PRKG1: variants seen among roughly 807,000 people sequenced by gnomAD.
PRKG1 encodes the protein cGMP-dependent protein kinase 1.
PRKG1 carries 35 observed loss-of-function variants against 88.1 expected under a neutral mutation model. That is an observed-to-expected ratio of 0.40 (90% CI 0.30 to 0.53). The LOEUF is 0.53. PRKG1 is among the 20% of genes least tolerant of loss of function. The pLI, the probability that PRKG1 is intolerant of heterozygous loss-of-function variation, is 0.59. For synonymous variants in PRKG1, 303 were observed against 292.5 expected, an observed-to-expected ratio of 1.04 and a Z score of -0.37; for missense variants, 540 against 839.8, an observed-to-expected ratio of 0.64 and a Z score of 4.41.
chr10:51,463,548 G>A (rs79525631), intron 2 of PRKG1, among the ~76,000 whole-genome samples: 2,830 of 152,312 alleles, frequency 0.019, 82 homozygotes, highest in African/African-American at 0.063. Context: ...ATGGCCTCAT[G>A]ACTACCTTAA....
chr10:51,639,363 G>T (rs994188041), intron 3 of PRKG1, among the ~76,000 whole-genome samples: 6 of 140,286 alleles, frequency 4.3e-5, no homozygotes, highest in Non-Finnish European at 9.1e-5. Flanking sequence ...GAACCTCGGA[G>T]GCCGAGCTTG....
intron 3 of PRKG1, among the ~76,000 whole-genome samples, chr10:51,625,175 T>C (rs1488328940): frequency 1.3e-5 from 2 of 152,112 alleles, no homozygotes; most frequent in African/African-American, 4.8e-5. Flanking sequence ...CATATGTGTG[T>C]ACAATTATAA....
rs12260107 is a variant in PRKG1 at position 52,178,933 on chromosome 10, T to G, written c.1076+16970T>G. On this transcript the variant is annotated intron_variant, in intron 9 of 17. Coordinates refer to ENST00000373980, the MANE Select transcript of PRKG1 (RefSeq NM_006258.4). ...TAGCCAGCATATGGTTGGGTGTTGT[T>G]TTTTTTTTTCTCTTTAATCCATTTA... 5.5e-3 allele frequency among the ~76,000 whole-genome samples: 828 copies of G among 150,640 alleles called. 11 individuals are homozygous for G. The highest frequency in any genetic ancestry group is 0.019 in the African/African-American group (798 of 41,194).
chr10:51,687,704 C>A (rs1310994355), intron 3 of PRKG1, among the ~76,000 whole-genome samples: 1 of 152,136 alleles, frequency 6.6e-6, no homozygotes, highest in African/African-American at 2.4e-5. Flanking sequence ...CAGAGAGTCA[C>A]AGCTTGGCTG....
intron 2 of PRKG1, among the ~76,000 whole-genome samples, chr10:51,354,399 G>C (rs1232994903): frequency 6.6e-6 from 1 of 152,032 alleles, no homozygotes; most frequent in Non-Finnish European, 1.5e-5. Flanking sequence ...TTGCATGTCT[G>C]TATCAAAAAA....
At position 51,522,897 on chromosome 10, in the gene PRKG1, T is replaced by TTAAAA. The variant is rs201605280; in HGVS notation, c.592+55061_592+55062insTAAAA. On this transcript the variant is annotated intron_variant, in intron 3 of 17. Transcript: ENST00000373980. ...TAAGGTGTGAAGGCTTTTAGATTATTACTGTATTTATTAAAAACCAAGGGA... is the reference window on the plus strand; with the variant it reads ...TAAGGTGTGAAGGCTTTTAGATTATTTAAAAACTGTATTTATTAAAAACCAAGGGA... 5.3e-3 allele frequency among the ~76,000 whole-genome samples: 812 copies of TTAAAA among 152,240 alleles called. 7 individuals are homozygous for TTAAAA. Among genetic ancestry groups the TTAAAA allele is most frequent in the African/African-American group, 0.018 (765 of 41,568 alleles).
chr10:51,468,525 A>T (rs1053697808), intron 3 of PRKG1, among the ~76,000 whole-genome samples: 8 of 151,766 alleles, frequency 5.3e-5, no homozygotes, highest in South Asian at 2.1e-4. Context: ...GATTTTTTTA[A>T]AAAAAATCTG....
chr10:51,672,695 A>T (rs1840613893), intron 3 of PRKG1, among the ~76,000 whole-genome samples: 1 of 152,340 alleles, frequency 6.6e-6, no homozygotes, highest in Non-Finnish European at 1.5e-5. Flanking sequence ...AAGAGAAAAT[A>T]CATGTTTACA....
chr10:52,274,957 G>A (rs7085534), intron 12 of PRKG1, among the ~76,000 whole-genome samples: 11,456 of 152,052 alleles, frequency 0.075, 557 homozygotes, highest in South Asian at 0.19. Context: ...TTTTTCATAC[G>A]TTTATTGGCC....
chr10:51,988,896 T>C (rs530090898), intron 5 of PRKG1, among the ~76,000 whole-genome samples: 1 of 152,264 alleles, frequency 6.6e-6, no homozygotes, highest in South Asian at 2.1e-4. Flanking sequence ...TTAATTTAAA[T>C]ATAAATCTTT....
At chr10:52,195,742 A>G (rs1464892836) in intron 9 of PRKG1, among the ~76,000 whole-genome samples, 1 of 152,158 alleles carries the variant, frequency 6.6e-6, no homozygotes, top group African/African-American at 2.4e-5. Context: ...CCGAATGACA[A>G]TCAGTTTTTA....
chr10:52,266,525 C>T (rs1206965953), intron 10 of PRKG1, among the ~76,000 whole-genome samples: 1 of 152,022 alleles, frequency 6.6e-6, no homozygotes, highest in African/African-American at 2.4e-5. Context: ...CCAGCTCCAT[C>T]CATGTCCCTG....
chr10:52,230,572 G>T (rs1417968205), intron 9 of PRKG1, among the ~76,000 whole-genome samples: 2 of 152,184 alleles, frequency 1.3e-5, no homozygotes. Context: ...TTTGTCTGAA[G>T]AAGACTGGCT....
intron 2 of PRKG1, among the ~76,000 whole-genome samples, chr10:51,167,083 T>C (rs150027197): frequency 2.0e-5 from 3 of 152,290 alleles, no homozygotes; most frequent in African/African-American, 7.2e-5. Context: ...AGAGCTCACA[T>C]TCTGGTGATG....
At chr10:51,367,737 G>A (rs530739563) in intron 2 of PRKG1, among the ~76,000 whole-genome samples, 11 of 151,992 alleles carry the variant, frequency 7.2e-5, no homozygotes, top group Non-Finnish European at 1.2e-4. Flanking sequence ...GCTCTTCTGT[G>A]ACCTAATATA....
intron 1 of PRKG1, among the ~76,000 whole-genome samples, chr10:51,040,594 A>C (rs1165821058): frequency 1.3e-5 from 2 of 152,030 alleles, no homozygotes; most frequent in East Asian, 3.9e-4. Flanking sequence ...CTAGGACTAC[A>C]GTTGTGAGCC....
chr10:51,573,042 T>A (rs943993160), intron 3 of PRKG1, among the ~76,000 whole-genome samples: 4 of 151,812 alleles, frequency 2.6e-5, no homozygotes, highest in African/African-American at 9.7e-5. Flanking sequence ...ATTTCCCTAC[T>A]CCACAGAAAC....
Position 51,330,161 on chromosome 10 carries a change from T to A in PRKG1, c.479-137562T>A, listed in dbSNP as rs868724325. Among the ~76,000 whole-genome samples, 154 of 148,424 alleles carry A rather than the reference T, an allele frequency of 1.0e-3. 1 individual carries two copies. The highest frequency in any genetic ancestry group is 3.5e-3 in the Middle Eastern group (1 of 286). ...TATTTATTTATTTTTTATTTATTTT[T>A]TTTTTTTGAGATGGAGTCTCACTCT... On this transcript the variant is annotated intron_variant, in intron 2 of 17. Transcript: ENST00000373980.
intron 2 of PRKG1, among the ~76,000 whole-genome samples, chr10:51,289,486 C>T (rs976392337): frequency 6.6e-6 from 1 of 152,096 alleles, no homozygotes; most frequent in African/African-American, 2.4e-5. Context: ...TAGAAGCTAC[C>T]ACTTCTCTTC....
Sources: allele counts gnomAD v4.1 joint callset (sites outside exome capture counted in the v4.1 genomes callset), GRCh38; gene constraint gnomAD v4.1.1; transcripts MANE v1.5; gene names NCBI Gene and HGNC (gene_info 2026-07-23, HGNC 2026-07-21).